The following HTR7 variants were observed in gnomAD, a reference collection of about 807,000 sequenced individuals.
HTR7 encodes 5-hydroxytryptamine receptor 7.
In HTR7, 16 loss-of-function variants were observed where a neutral mutation model predicts 34.0. The ratio of observed to expected loss-of-function variants is 0.47; its 90% CI spans 0.32 to 0.71. HTR7 has a LOEUF of 0.71. Ranked by LOEUF, HTR7 falls within the 30% of genes least tolerant of loss-of-function variation. The probability of loss-of-function intolerance (pLI) is 0.04; values close to 1 mark genes in which losing one functional copy is unlikely to be tolerated. For synonymous variants in HTR7, 265 were observed against 260.2 expected, an observed-to-expected ratio of 1.02 and a Z score of -0.18; for missense variants, 504 against 625.5, an observed-to-expected ratio of 0.81 and a Z score of 2.07.
chr10:90,762,483 A>G (rs1844956509), intron 1 of HTR7, among the ~76,000 whole-genome samples: 2 of 152,176 alleles, frequency 1.3e-5, no homozygotes, highest in South Asian at 2.1e-4. Context: ...ATGGAATTAT[A>G]TGGGTTTTTG....
At chr10:90,783,511 C>T (rs1006407239) in intron 1 of HTR7, among the ~76,000 whole-genome samples, 12 of 152,114 alleles carry the variant, frequency 7.9e-5, no homozygotes, top group African/African-American at 2.9e-4. Flanking sequence ...GGGCCCCTTG[C>T]TTTCTCTCCA....
intron 1 of HTR7, among the ~76,000 whole-genome samples, chr10:90,782,366 A>G (rs1845318810): frequency 6.6e-6 from 1 of 152,240 alleles, no homozygotes; most frequent in African/African-American, 2.4e-5. Flanking sequence ...TAATAAGATT[A>G]TAATAAGTTT....
Position 90,796,473 on chromosome 10 carries a change from G to A in HTR7, c.540-46879C>T, listed in dbSNP as rs77396179. 7.7e-3 allele frequency among the ~76,000 whole-genome samples: 1,175 copies of A among 152,284 alleles called. 5 individuals are homozygous for A. The highest frequency in any genetic ancestry group is 0.014 in the Non-Finnish European group (954 of 68,024). ...CACTTACAAAACAAATTTTAGACCA[G>A]GTGTGGTGGCTCAAACCTGTAATCT... is the stretch of plus-strand genomic sequence containing the variant. On this transcript the variant is annotated intron_variant, in intron 1 of 3. Transcript: ENST00000336152.
intron 1 of HTR7, among the ~76,000 whole-genome samples, chr10:90,797,379 A>G (rs1199625534): frequency 6.6e-6 from 1 of 152,176 alleles, no homozygotes; most frequent in Non-Finnish European, 1.5e-5. Context: ...TCCCTTTTCT[A>G]ATTTTCTGCT....
At chr10:90,764,561 T>C (rs1222841274) in intron 1 of HTR7, among the ~76,000 whole-genome samples, 1 of 152,202 alleles carries the variant, frequency 6.6e-6, no homozygotes, top group Non-Finnish European at 1.5e-5. Context: ...CAGTTTTTTT[T>C]CAGTGGAGTC....
chr10:90,792,989 T>C (rs1324661317), intron 1 of HTR7, among the ~76,000 whole-genome samples: 1 of 152,100 alleles, frequency 6.6e-6, no homozygotes, highest in East Asian at 1.9e-4. Context: ...ACATTGGATT[T>C]GACAATGACT....
At chr10:90,820,811 G>A (rs1257356556) in intron 1 of HTR7, among the ~76,000 whole-genome samples, 2 of 152,094 alleles carry the variant, frequency 1.3e-5, no homozygotes, top group Non-Finnish European at 2.9e-5. Context: ...CTAAAAAGTT[G>A]AAAAATAGTA....
chr10:90,774,658 G>A (rs756643046), intron 1 of HTR7, among the ~76,000 whole-genome samples: 34 of 152,186 alleles, frequency 2.2e-4, no homozygotes, highest in Admixed American at 1.6e-3. Flanking sequence ...CCAATGACAC[G>A]GTGAGGGACT....
intron 1 of HTR7, among the ~76,000 whole-genome samples, chr10:90,815,228 A>ATT (rs1845880747): frequency 1.3e-5 from 2 of 151,880 alleles, no homozygotes; most frequent in Admixed American, 1.3e-4. Context: ...AGTAGCTGGG[A>ATT]GTACAGGCGC....
chr10:90,808,777 T>C (rs12784621), intron 1 of HTR7, among the ~76,000 whole-genome samples: 41,892 of 151,940 alleles, frequency 0.28, 6,309 homozygotes, highest in African/African-American at 0.4. Context: ...TCAACTCACA[T>C]CTGACCTAAA....
At chr10:90,837,272 C>T (rs1846268212) in intron 1 of HTR7, among the ~76,000 whole-genome samples, 1 of 152,086 alleles carries the variant, frequency 6.6e-6, no homozygotes, top group African/African-American at 2.4e-5. Flanking sequence ...TTACCATGTG[C>T]CAAGAACTTT....
chr10:90,828,442 A>C (rs912717580), intron 1 of HTR7, among the ~76,000 whole-genome samples: 2 of 152,162 alleles, frequency 1.3e-5, no homozygotes, highest in Non-Finnish European at 2.9e-5. Context: ...AAACATAAAC[A>C]AACTTGACAA....
intron 1 of HTR7, among the ~76,000 whole-genome samples, chr10:90,841,997 T>C (rs1846336482): frequency 1.3e-5 from 2 of 150,990 alleles, no homozygotes; most frequent in South Asian, 4.2e-4. Context: ...AGACTCTGTC[T>C]CAAAGAAAAA....
In HTR7 at chr10:90,741,305, A is replaced by G. The variant is rs1844538342; in HGVS notation, c.*1177T>C. On this transcript the variant is annotated 3_prime_UTR_variant, in exon 4 of 4. Transcript: ENST00000336152. ...ACATAGTGCCATTTAAAAAATATAT[A>G]TCTGCAAAGAGACCTTTTCTGTTTC... 1 of 152,598 alleles carries G rather than the reference A, an allele frequency of 6.6e-6. No individual in the cohort carries two copies. The allele number at this position is 152,598 out of a possible 1,614,324, so 9.5% of individuals were successfully genotyped here. A position where few individuals can be genotyped will look rare whatever the true frequency, so the allele number is the denominator to read the frequency against.
intron 1 of HTR7, among the ~76,000 whole-genome samples, chr10:90,822,971 C>T (rs1351710618): frequency 1.3e-5 from 2 of 152,216 alleles, no homozygotes; most frequent in Non-Finnish European, 2.9e-5. Context: ...GGCTTGGGAG[C>T]CTCCACCTAG....
rs528981519 is a variant in HTR7 at position 90,814,738 on chromosome 10, G to C, written c.539+42395C>G. On this transcript the variant is annotated intron_variant, in intron 1 of 3. Coordinates refer to ENST00000336152, the MANE Select transcript of HTR7 (RefSeq NM_019859.4). Reference sequence around the variant, plus strand: ...TAGAAACTGATGGGGTTAAAACAAAGGTCTTAGTACAACATTACCAAGGGC... The same window carrying C: ...TAGAAACTGATGGGGTTAAAACAAACGTCTTAGTACAACATTACCAAGGGC... Among the ~76,000 whole-genome samples, 89 of 152,248 alleles carry C rather than the reference G, an allele frequency of 5.8e-4. No homozygotes were observed. The South Asian group carries it at 0.012, about 20-fold the overall frequency.
At chr10:90,790,453 T>C (rs1161605849) in intron 1 of HTR7, among the ~76,000 whole-genome samples, 1 of 152,200 alleles carries the variant, frequency 6.6e-6, no homozygotes, top group African/African-American at 2.4e-5. Flanking sequence ...CATAAAATCA[T>C]ACAAGTGAAT....
chr10:90,760,515 A>T (rs1021719429), intron 1 of HTR7, among the ~76,000 whole-genome samples: 18 of 152,240 alleles, frequency 1.2e-4, no homozygotes, highest in African/African-American at 4.1e-4. Context: ...CAATGCAAAG[A>T]AATGATAAGT....
At chr10:90,755,184 T>A (rs556633613) in intron 1 of HTR7, among the ~76,000 whole-genome samples, 2 of 152,352 alleles carry the variant, frequency 1.3e-5, no homozygotes, top group African/African-American at 4.8e-5. Context: ...GTATATTTCA[T>A]CTGAACAGTT....
Sources: gnomAD v4.1 joint callset for allele counts (sites outside exome capture counted in the v4.1 genomes callset) on GRCh38, gnomAD v4.1.1 for gene constraint, MANE v1.5 for transcripts, NCBI Gene and HGNC (gene_info 2026-07-23, HGNC 2026-07-21) for gene names.